Variants in GNB1L observed in about 807,000 individuals in gnomAD.
The protein encoded by GNB1L is G protein subunit beta 1 like, also known as guanine nucleotide-binding protein subunit beta-like protein 1.
Under a neutral mutation model 29.1 loss-of-function variants are expected in GNB1L, and 20 were observed. That is an observed-to-expected ratio of 0.69 (90% CI 0.48 to 1.00). The LOEUF (loss-of-function observed/expected upper bound fraction) is 1.00, where lower values mean the gene tolerates loss of function less well. Among genes scored for constraint, GNB1L ranks in the 50% least tolerant of loss-of-function variants. GNB1L has a pLI of 0.00. For missense variants in GNB1L, 421 were observed against 464.9 expected, an observed-to-expected ratio of 0.91 and a Z score of 0.87; for synonymous variants, 193 against 206.5, an observed-to-expected ratio of 0.93 and a Z score of 0.56.
chr22:19,801,955 T>C (rs766895083), intron 7 of GNB1L, 46 bp downstream of exon 7: 29 of 1,407,480 alleles, frequency 2.1e-5, no homozygotes, highest in Non-Finnish European at 1.7e-5. Context: ...TATCAGACTG[T>C]TAGTGCAGAG....
intron 2 of GNB1L, among the ~76,000 whole-genome samples, chr22:19,836,126 A>G (rs2145893001): frequency 6.6e-6 from 1 of 152,308 alleles, no homozygotes; most frequent in Admixed American, 6.5e-5. Flanking sequence ...TCGGTTCTTT[A>G]AAAAGATCAA....
In GNB1L at chr22:19,853,977, C is replaced by T. The variant is rs889923753; in HGVS notation, c.-21+466G>A. 2.0e-5 allele frequency among the ~76,000 whole-genome samples: 3 copies of T among 152,292 alleles called. No individual in the cohort carries two copies. In the Middle Eastern group the frequency reaches 0.01, roughly 518 times the overall value. ...TCTGCCTTCCCTTCTTCCCAGTCCC[C>T]TACCCTGCCCACTCACCTGCGCACC... On this transcript the variant is annotated intron_variant, in intron 2 of 7. Transcript: ENST00000329517.
chr22:19,803,187 C>T (rs1359773620), intron 6 of GNB1L, among the ~76,000 whole-genome samples: 1 of 152,258 alleles, frequency 6.6e-6, no homozygotes, highest in African/African-American at 2.4e-5. Context: ...GACAGAAGGA[C>T]ACTCACTGTG....
At chr22:19,804,707 A>G (rs1937412993) in intron 6 of GNB1L, among the ~76,000 whole-genome samples, 1 of 152,070 alleles carries the variant, frequency 6.6e-6, no homozygotes, top group South Asian at 2.1e-4. Context: ...GGAAAAGGGA[A>G]CATGTGGAGT....
chr22:19,815,634 G>C (rs1937521158), intron 4 of GNB1L, among the ~76,000 whole-genome samples: 1 of 152,090 alleles, frequency 6.6e-6, no homozygotes, highest in Non-Finnish European at 1.5e-5. Context: ...CCAGGGTGGA[G>C]TGCAGTGGGG....
intron 7 of GNB1L, among the ~76,000 whole-genome samples, chr22:19,801,467 C>A (rs749328869): frequency 4.9e-4 from 74 of 152,262 alleles, no homozygotes; most frequent in Non-Finnish European, 9.0e-4. Flanking sequence ...CACCACGGTG[C>A]CCCTCGAGCC....
chr22:19,849,717 T>C (rs1395451357), intron 2 of GNB1L: 2 of 985,356 alleles, frequency 2.0e-6, no homozygotes, highest in African/African-American at 3.5e-5. Flanking sequence ...TTTCCTAAAA[T>C]AGTTGGCTGT....
At chr22:19,800,974 G>A (rs1484573979) in intron 7 of GNB1L, among the ~76,000 whole-genome samples, 1 of 152,228 alleles carries the variant, frequency 6.6e-6, no homozygotes, top group Non-Finnish European at 1.5e-5. Flanking sequence ...CAGCAGGCTT[G>A]CTGGGGCTGC....
chr22:19,848,790 C>T (rs1263533498), intron 2 of GNB1L: 1 of 985,554 alleles, frequency 1.0e-6, no homozygotes. Context: ...CCCAATAGGA[C>T]AGGGTTCAAA....
chr22:19,809,060 T>C (rs903741719), intron 5 of GNB1L, among the ~76,000 whole-genome samples: 2 of 151,996 alleles, frequency 1.3e-5, no homozygotes, highest in African/African-American at 4.8e-5. Context: ...CCTGTCCCTA[T>C]AGACCTAGGT....
intron 2 of GNB1L, among the ~76,000 whole-genome samples, chr22:19,844,124 T>C (rs1248879152): frequency 6.6e-6 from 1 of 152,124 alleles, no homozygotes; most frequent in Non-Finnish European, 1.5e-5. Context: ...GCACGGTGCC[T>C]ACATGCTGAA....
chr22:19,817,730 G>C (rs930211720), intron 4 of GNB1L, among the ~76,000 whole-genome samples: 1 of 152,190 alleles, frequency 6.6e-6, no homozygotes, highest in Non-Finnish European at 1.5e-5. Context: ...TATCTCCAGG[G>C]AGAGCAGGTG....
Position 19,820,723 on chromosome 22 carries a change from C to T in GNB1L, c.129G>A (p.Gly43=). ...AGATGTGTACCAGGCCACTCTGAGA[C>T]CTGTTTCAGACAAGCCGAGCAGGGT... ...QAQGRPLLFS[G]SQSGLVHIWS... The change falls in exon 4 of 8, where the codon GGG becomes GGA. Residue 43 remains glycine (G), a splice_region_variant and synonymous_variant. Coordinates refer to ENST00000329517, the MANE Select transcript of GNB1L (RefSeq NM_053004.3). 6.2e-7 allele frequency: 1 copy of T among 1,610,146 alleles called. No individual in the cohort carries two copies. Among genetic ancestry groups the T allele is most frequent in the Non-Finnish European group, 8.5e-7 (1 of 1,177,150 alleles).
intron 2 of GNB1L, chr22:19,849,284 T>G (rs1260717865): frequency 5.1e-6 from 5 of 982,922 alleles, no homozygotes; most frequent in Admixed American, 6.2e-5. Context: ...CATAAAACCA[T>G]CTGAACCCAG....
In GNB1L at chr22:19,851,415, C is replaced by T. The variant is rs759536269; in HGVS notation, c.-21+3028G>A. The T allele has an allele frequency of 3.1e-6, 5 of 1,613,932 alleles. No individual in the cohort carries two copies. The Admixed American group carries it at 8.3e-5, about 27-fold the overall frequency. The stretch of plus-strand genomic sequence containing the variant: ...TGGGAAGAGGCTGGTTCCACAGGAC[C>T]AGGCTTGGAGCTACATGTAGAACTG... On this transcript the variant is annotated intron_variant, in intron 2 of 7. Transcript: ENST00000329517.
intron 4 of GNB1L, among the ~76,000 whole-genome samples, chr22:19,818,638 A>C (rs1326904246): frequency 3.9e-5 from 6 of 152,222 alleles, no homozygotes; most frequent in African/African-American, 1.4e-4. Flanking sequence ...CTCATTCTCC[A>C]GGGACTATAC....
intron 2 of GNB1L, among the ~76,000 whole-genome samples, chr22:19,830,396 T>C (rs191137959): frequency 5.3e-5 from 8 of 152,222 alleles, no homozygotes; most frequent in Admixed American, 5.2e-4. Context: ...AAAGAGCACA[T>C]ATTACTTGTA....
Position 19,786,136 on chromosome 22 carries a change from G to C in GNB1L, c.*2573C>G, listed in dbSNP as rs1434610647. On this transcript the variant is annotated 3_prime_UTR_variant, in exon 8 of 8. Coordinates refer to ENST00000329517, the MANE Select transcript of GNB1L (RefSeq NM_053004.3). ...AAGCTGGATCTGCCTGGCAAGGGGG[G>C]CCCTATCTGCCTAGCCACCCAGATG... 6.6e-6 allele frequency: 1 copy of C among 152,306 alleles called. No individual in the cohort carries two copies. Among genetic ancestry groups the C allele is most frequent in the East Asian group, 1.9e-4 (1 of 5,204 alleles). 9.4% of individuals were successfully genotyped at this position (152,306 alleles called of 1,614,324 possible). A position where few individuals can be genotyped will look rare whatever the true frequency, so the allele number is the denominator to read the frequency against.
chr22:19,820,307 C>T (rs796996885), intron 4 of GNB1L, among the ~76,000 whole-genome samples: 7 of 152,352 alleles, frequency 4.6e-5, no homozygotes, highest in African/African-American at 1.7e-4. Flanking sequence ...CCTGGGCTCA[C>T]CTCAGATGTC....
Sources: allele counts gnomAD v4.1 joint callset (sites outside exome capture counted in the v4.1 genomes callset), GRCh38; gene constraint gnomAD v4.1.1; transcripts MANE v1.5; gene names NCBI Gene and HGNC (gene_info 2026-07-23, HGNC 2026-07-21).